Variants in MYOF observed in about 807,000 individuals in gnomAD.
The protein encoded by MYOF is fer-1-like 3, myoferlin.
A neutral mutation model predicts 284.2 loss-of-function variants in MYOF; 244 were observed. That is an observed-to-expected ratio of 0.86 (90% CI 0.77 to 0.95). MYOF has a LOEUF of 0.95. Ranked by LOEUF, MYOF falls within the 40% of genes least tolerant of loss-of-function variation. The probability of loss-of-function intolerance (pLI) is 0.00; values close to 1 mark genes in which losing one functional copy is unlikely to be tolerated. For missense variants in MYOF, 2,496 were observed against 2,560.6 expected, an observed-to-expected ratio of 0.97 and a Z score of 0.54; for synonymous variants, 904 against 919.7, an observed-to-expected ratio of 0.98 and a Z score of 0.31.
chr10:93,394,928 A>G (rs1044704759), intron 16 of MYOF, among the ~76,000 whole-genome samples: 3 of 150,886 alleles, frequency 2.0e-5, no homozygotes, highest in African/African-American at 7.3e-5. Context: ...TATTATATGT[A>G]TATATATAAT....
At chr10:93,336,917 G>T (rs577355455) in intron 40 of MYOF, among the ~76,000 whole-genome samples, 1 of 147,476 alleles carries the variant, frequency 6.8e-6, no homozygotes, top group South Asian at 2.2e-4. Context: ...AGGAAGGAAG[G>T]GAAGGAAAGG....
At position 93,389,142 on chromosome 10, in the gene MYOF, T is replaced by C. The variant is rs767819296; in HGVS notation, c.1469A>G (p.Glu490Gly). Reference protein sequence around the residue: ...GAASYTVNTGETEVGFVPTFG... With the variant: ...GAASYTVNTGGTEVGFVPTFG... ...CGTTGGAACAAAGCCTACCTCTGTT[T>C]CTCCTGTGTTTACTGAGAGAGAAAC... The change falls in exon 18 of 54, where the codon GAA becomes GGA. Residue 490 changes from glutamate to glycine, a missense_variant. This residue lies in a region of MYOF where 2,436 missense variants were observed against 2,480.7 expected (regional missense o/e 0.98). Transcript: ENST00000359263. The C allele has an allele frequency of 3.1e-6, 5 of 1,613,496 alleles. No homozygotes were observed. In the African/African-American group the frequency reaches 6.7e-5, roughly 22 times the overall value.
rs2056572528 is a variant in MYOF at position 93,450,955 on chromosome 10, A to G, written c.236+1095T>C. ...TTGGCTTCCCATGTGGTATGACTTG[A>G]AGGAAAATTCATGGGTTGGAGGGTA... is the stretch of plus-strand genomic sequence containing the variant. On this transcript the variant is annotated intron_variant, in intron 3 of 53. Transcript: ENST00000359263. 2.0e-5 allele frequency among the ~76,000 whole-genome samples: 3 copies of G among 152,182 alleles called. No individual in the cohort carries two copies. The South Asian group carries it at 6.2e-4, about 32-fold the overall frequency.
chr10:93,422,775 G>T (rs701850), intron 5 of MYOF, among the ~76,000 whole-genome samples: 255 of 151,984 alleles, frequency 1.7e-3, no homozygotes, highest in Non-Finnish European at 2.7e-3. Context: ...CGGCCTGGGT[G>T]ACAAAGCAAT....
intron 4 of MYOF, among the ~76,000 whole-genome samples, chr10:93,428,458 A>T (rs1261622573): frequency 2.0e-5 from 3 of 151,658 alleles, no homozygotes; most frequent in Admixed American, 6.6e-5. Flanking sequence ...CACCCACCTC[A>T]GCCTCCCAAA....
chr10:93,402,672 T>G (rs1847354846), intron 10 of MYOF, among the ~76,000 whole-genome samples, 188 bp downstream of exon 10: 1 of 152,238 alleles, frequency 6.6e-6, no homozygotes, highest in Admixed American at 6.5e-5. Context: ...TAGACATTTT[T>G]TCTAAGCTAC....
At chr10:93,367,306 G>A (rs1000845148) in intron 25 of MYOF, among the ~76,000 whole-genome samples, 5 of 152,198 alleles carry the variant, frequency 3.3e-5, no homozygotes, top group African/African-American at 1.2e-4. Context: ...TGCCAGTGTG[G>A]TGGGTGTCCA....
chr10:93,366,704 T>G, intron 25 of MYOF, 149 bp from the exon 26 acceptor site: 2 of 638,234 alleles, frequency 3.1e-6, no homozygotes, highest in Non-Finnish European at 5.3e-6. Flanking sequence ...GGACCTAACT[T>G]GAGCTATTAC....
chr10:93,458,837 G>T (rs1325805128), intron 1 of MYOF, among the ~76,000 whole-genome samples: 2 of 152,188 alleles, frequency 1.3e-5, no homozygotes, highest in East Asian at 1.9e-4. Context: ...CTCAGCCTTT[G>T]CTTCTCCTCT....
At chr10:93,311,375 T>C (rs1842379093) in intron 51 of MYOF, among the ~76,000 whole-genome samples, 1 of 150,416 alleles carries the variant, frequency 6.6e-6, no homozygotes, top group Non-Finnish European at 1.5e-5. Context: ...TTTGGGAGGC[T>C]GAGGCGGGAG....
At chr10:93,448,759 C>T (rs2056508194) in intron 3 of MYOF, among the ~76,000 whole-genome samples, 1 of 152,134 alleles carries the variant, frequency 6.6e-6, no homozygotes, top group African/African-American at 2.4e-5. Context: ...CTTTGGGAGA[C>T]CAAGGTGGGC....
chr10:93,459,225 C>T (rs1300929953), intron 1 of MYOF, among the ~76,000 whole-genome samples: 1 of 152,196 alleles, frequency 6.6e-6, no homozygotes, highest in East Asian at 1.9e-4. Flanking sequence ...CCACCCTTCC[C>T]TCTCCTCATC....
intron 1 of MYOF, among the ~76,000 whole-genome samples, chr10:93,465,962 G>A (rs1021127994): frequency 6.6e-6 from 1 of 152,174 alleles, no homozygotes; most frequent in African/African-American, 2.4e-5. Flanking sequence ...TTTCTTCCAC[G>A]TGGCTCCATT....
intron 25 of MYOF, among the ~76,000 whole-genome samples, chr10:93,368,548 C>A (rs1166780844): frequency 1.3e-5 from 2 of 152,214 alleles, no homozygotes; most frequent in Non-Finnish European, 2.9e-5. Context: ...GAAGCCACCA[C>A]TCCCTAAAAG....
chr10:93,441,149 C>A (rs1454013039), intron 3 of MYOF, among the ~76,000 whole-genome samples: 1 of 152,192 alleles, frequency 6.6e-6, no homozygotes, highest in African/African-American at 2.4e-5. Context: ...CACCAACCAA[C>A]CCCAGGAGAA....
intron 27 of MYOF, among the ~76,000 whole-genome samples, chr10:93,362,493 C>T (rs1430752771): frequency 6.6e-6 from 1 of 152,174 alleles, no homozygotes; most frequent in East Asian, 1.9e-4. Flanking sequence ...GATCCACCCA[C>T]CTCAGCCTCC....
chr10:93,339,138 G>A (rs188571171), intron 39 of MYOF, among the ~76,000 whole-genome samples: 1,598 of 148,816 alleles, frequency 0.011, 27 homozygotes, highest in African/African-American at 0.037. Context: ...TCAGCCTCCC[G>A]AGTAGCTGGC....
chr10:93,309,228 A>C (rs1842275716), intron 53 of MYOF, among the ~76,000 whole-genome samples: 2 of 152,112 alleles, frequency 1.3e-5, no homozygotes, highest in Admixed American at 6.6e-5. Context: ...TCCCTTAGTC[A>C]TGTGTCCTTG....
chr10:93,332,646 C>T (rs1265581626), intron 43 of MYOF, among the ~76,000 whole-genome samples: 1 of 151,790 alleles, frequency 6.6e-6, no homozygotes, highest in East Asian at 2.0e-4. Flanking sequence ...GAGATTGAGA[C>T]CACCCTGGCT....
Sources: gnomAD v4.1 joint callset for allele counts (sites outside exome capture counted in the v4.1 genomes callset) on GRCh38, gnomAD v4.1.1 for gene constraint, gnomAD v4.1.1 regional missense constraint, MANE v1.5 for transcripts, NCBI Gene and HGNC (gene_info 2026-07-23, HGNC 2026-07-21) for gene names.